Variants in MMP24 observed in about 807,000 individuals in gnomAD.
The protein encoded by MMP24 is matrix metalloproteinase-24.
MMP24 carries 25 observed loss-of-function variants against 62.8 expected under a neutral mutation model. That is an observed-to-expected ratio of 0.40 (90% CI 0.29 to 0.56). The LOEUF is 0.56. MMP24 is among the 20% of genes least tolerant of loss of function. The probability of loss-of-function intolerance (pLI) is 0.50; values close to 1 mark genes in which losing one functional copy is unlikely to be tolerated. For missense variants in MMP24, 634 were observed against 853.6 expected, an observed-to-expected ratio of 0.74 and a Z score of 3.21; for synonymous variants, 319 against 350.5, an observed-to-expected ratio of 0.91 and a Z score of 1.00.
At chr20:35,241,569 C>T (rs777112350) in intron 1 of MMP24, among the ~76,000 whole-genome samples, 3 of 152,162 alleles carry the variant, frequency 2.0e-5, no homozygotes, top group Non-Finnish European at 4.4e-5. Flanking sequence ...TGCCTATGAC[C>T]TGAGTCCATA....
intron 1 of MMP24, among the ~76,000 whole-genome samples, chr20:35,240,991 C>G (rs2060485828): frequency 6.6e-6 from 1 of 152,136 alleles, no homozygotes; most frequent in South Asian, 2.1e-4. Flanking sequence ...CTAGCTCTGA[C>G]AGGGAGAGCT....
intron 1 of MMP24, among the ~76,000 whole-genome samples, chr20:35,232,308 A>T (rs117586544): frequency 0.01 from 1,575 of 152,354 alleles, 14 homozygotes; most frequent in Non-Finnish European, 0.015. Flanking sequence ...CAAAACAGGA[A>T]GAACAAACCA....
At chr20:35,272,429 G>A (rs796939924) in intron 8 of MMP24, among the ~76,000 whole-genome samples, 5 of 152,182 alleles carry the variant, frequency 3.3e-5, no homozygotes, top group African/African-American at 1.2e-4. Flanking sequence ...GTAGCAACAG[G>A]GTTTCACTAT....
chr20:35,271,966 A>C lies in MMP24; in HGVS notation c.1600+131A>C. On this transcript the variant is annotated intron_variant, in intron 8 of 8. Coordinates refer to ENST00000246186, the MANE Select transcript of MMP24 (RefSeq NM_006690.4). The surrounding 1 kb of genome is among the most constrained non-coding windows in gnomAD (Gnocchi z 4.0). ...ACACCTGGTGGCAGACAACTGCCTC[A>C]TATCTACCCATGTTCACGTGGTCCA... 1 of 986,308 alleles carries C rather than the reference A, an allele frequency of 1.0e-6. No homozygotes were observed. Among genetic ancestry groups the C allele is most frequent in the Non-Finnish European group, 1.5e-6 (1 of 689,378 alleles). 61.1% of individuals were successfully genotyped at this position (986,308 alleles called of 1,614,324 possible).
intron 3 of MMP24, among the ~76,000 whole-genome samples, chr20:35,254,212 G>A (rs930847646): frequency 3.9e-5 from 6 of 152,070 alleles, no homozygotes; most frequent in African/African-American, 1.4e-4. Context: ...TCCTTTATTC[G>A]ACACAGCTTT....
intron 6 of MMP24, among the ~76,000 whole-genome samples, chr20:35,268,158 C>T (rs1014354957): frequency 9.2e-5 from 14 of 152,182 alleles, no homozygotes; most frequent in African/African-American, 2.2e-4. Flanking sequence ...ACTCAGCCTA[C>T]GTTGGGTCCA....
chr20:35,248,864 T>A (rs570785108), intron 2 of MMP24, among the ~76,000 whole-genome samples: 260 of 152,240 alleles, frequency 1.7e-3, no homozygotes, highest in African/African-American at 6.0e-3. Context: ...TGGCAGTGCA[T>A]CCTGGGGCAG....
chr20:35,259,753 G>A (rs1029537231), intron 4 of MMP24, among the ~76,000 whole-genome samples: 5 of 152,120 alleles, frequency 3.3e-5, no homozygotes, highest in Admixed American at 6.6e-5. Flanking sequence ...TTGAGTAGCC[G>A]AGTAGACTGC....
In MMP24 at chr20:35,276,358, A is replaced by G. The variant is rs2060705918; in HGVS notation, c.*1749A>G. On this transcript the variant is annotated 3_prime_UTR_variant, in exon 9 of 9. Transcript: ENST00000246186. ...TTCATAGGTTTGTACAGTGTTTTAT[A>G]CTTTGCAAAGCACTTTATTAGCTCA... 2 of 398,772 alleles carry G rather than the reference A, an allele frequency of 5.0e-6. No individual in the cohort carries two copies. Among genetic ancestry groups the G allele is most frequent in the Non-Finnish European group, 8.8e-6 (2 of 226,038 alleles). 24.7% of individuals were successfully genotyped at this position (398,772 alleles called of 1,614,324 possible).
chr20:35,274,479 T>A lies in MMP24; in HGVS notation c.1808T>A (p.Val603Glu). 6.2e-7 allele frequency: 1 copy of A among 1,614,044 alleles called. No individual in the cohort carries two copies. The highest frequency in any genetic ancestry group is 8.5e-7 in the Non-Finnish European group (1 of 1,179,896). Residue 603 changes from valine (V) to glutamate (E), a missense_variant, in exon 9 of 9, where the codon GTG becomes GAG. Around this residue, in one of 3 missense-constraint regions of MMP24, gnomAD observed 399 missense variants for 530.8 expected, o/e 0.75. Coordinates refer to ENST00000246186, the MANE Select transcript of MMP24 (RefSeq NM_006690.4). This position sits in a 1 kb window ranked among gnomAD's most constrained non-coding sequence, Gnocchi z 5.1. ...INDVPGSVNA[V>E]AVVIPCILSL... ...GATGTGCCGGGCTCCGTGAACGCCG[T>A]GGCCGTGGTCATCCCCTGCATCCTG...
In MMP24 at chr20:35,254,528, G is replaced by A. The variant is rs757789553; in HGVS notation, c.591G>A (p.Lys197=). 5.6e-6 allele frequency: 9 copies of A among 1,613,910 alleles called. 1 individual carries two copies. In the Admixed American group the frequency reaches 8.3e-5, roughly 15 times the overall value. The change falls in exon 4 of 9, where the codon AAG becomes AAA. Residue 197 remains lysine, a synonymous_variant. Coordinates refer to ENST00000246186, the MANE Select transcript of MMP24 (RefSeq NM_006690.4). ...AIRQAFDVWQ[K]VTPLTFEEVP... ...GCCAGGCTTTCGATGTGTGGCAGAA[G>A]GTGACCCCACTGACCTTTGAAGAGG...
At chr20:35,270,304 C>T (rs1014587769) in intron 7 of MMP24, among the ~76,000 whole-genome samples, 11 of 152,314 alleles carry the variant, frequency 7.2e-5, no homozygotes, top group Admixed American at 5.9e-4. Context: ...TATCTTGACT[C>T]GGGCCAGACC....
intron 4 of MMP24, among the ~76,000 whole-genome samples, chr20:35,260,262 G>C (rs777757350): frequency 3.3e-5 from 5 of 152,150 alleles, no homozygotes; most frequent in African/African-American, 1.2e-4. Context: ...CAGGATACTG[G>C]CTCCCTCGCT....
intron 4 of MMP24, 136 bp downstream of exon 4, chr20:35,254,890 G>T: frequency 1.0e-6 from 1 of 1,003,770 alleles, no homozygotes; most frequent in Non-Finnish European, 1.4e-6. Context: ...GGTGGGAACT[G>T]TGATTTCTGA....
At chr20:35,248,453 G>A (rs2060527367) in intron 2 of MMP24, among the ~76,000 whole-genome samples, 1 of 151,890 alleles carries the variant, frequency 6.6e-6, no homozygotes, top group African/African-American at 2.4e-5. Flanking sequence ...TTACAGGCAT[G>A]TACCACCATG....
At position 35,269,916 on chromosome 20, in the gene MMP24, G is replaced by C; in HGVS notation, c.1333+18G>C. On this transcript the variant is annotated intron_variant, in intron 7 of 8. Coordinates refer to ENST00000246186, the MANE Select transcript of MMP24 (RefSeq NM_006690.4). The surrounding 1 kb of genome is among the most constrained non-coding windows in gnomAD (Gnocchi z 4.6). ...CTTCAAAGGTAATGTAGACTGTGCT[G>C]TGGGACAGTTCCCTGCCCAAGGTCT... The C allele has an allele frequency of 6.4e-7, 1 of 1,551,672 alleles. No homozygotes were observed. Among genetic ancestry groups the C allele is most frequent in the Non-Finnish European group, 8.7e-7 (1 of 1,146,938 alleles).
intron 1 of MMP24, among the ~76,000 whole-genome samples, chr20:35,236,966 AC>A (rs2060466362): frequency 7.7e-6 from 1 of 130,300 alleles, no homozygotes; most frequent in Non-Finnish European, 1.6e-5. Flanking sequence ...AGAGCGAGAC[AC>A]CATCTCAAAA....
In MMP24 at chr20:35,261,692, G is replaced by A. The variant is rs530037668; in HGVS notation, c.818-2099G>A. 9.6e-4 allele frequency among the ~76,000 whole-genome samples: 146 copies of A among 151,816 alleles called. 1 individual carries two copies. The highest frequency in any genetic ancestry group is 2.1e-4 in the South Asian group (1 of 4,804). On this transcript the variant is annotated intron_variant, in intron 4 of 8. Coordinates refer to ENST00000246186, the MANE Select transcript of MMP24 (RefSeq NM_006690.4). ...CAAGGTCCTGCAGAGAGCTGCCCACGCCCGGGCCCCACCTGCCCTGCCCGG... is the reference window on the plus strand; with the variant it reads ...CAAGGTCCTGCAGAGAGCTGCCCACACCCGGGCCCCACCTGCCCTGCCCGG...
At chr20:35,227,773 T>G (rs1041457725) in intron 1 of MMP24, among the ~76,000 whole-genome samples, 6 of 152,164 alleles carry the variant, frequency 3.9e-5, no homozygotes, top group African/African-American at 1.4e-4. Context: ...TCAATCCTCA[T>G]AACTACTCTA....
Sources: gnomAD v4.1 joint callset for allele counts (sites outside exome capture counted in the v4.1 genomes callset) on GRCh38, gnomAD v4.1.1 for gene constraint, gnomAD v4.1.1 regional missense constraint, Gnocchi (gnomAD v3.1) non-coding constraint, MANE v1.5 for transcripts, NCBI Gene and HGNC (gene_info 2026-07-23, HGNC 2026-07-21) for gene names.